CAPN10: variants seen among roughly 807,000 people sequenced by gnomAD.
CAPN10 encodes calpain 10.
In CAPN10, 71 loss-of-function variants were observed where a neutral mutation model predicts 78.4. The observed-to-expected ratio is 0.91, with a 90% confidence interval of 0.75 to 1.10. CAPN10 has a LOEUF of 1.10. Among genes scored for constraint, CAPN10 ranks in the 50% least tolerant of loss-of-function variants. The pLI is 0.00. For synonymous variants in CAPN10, 437 were observed against 407.2 expected, an observed-to-expected ratio of 1.07 and a Z score of -0.88; for missense variants, 849 against 924.6, an observed-to-expected ratio of 0.92 and a Z score of 1.06.
chr2:240,597,077 A>C, intron 9 of CAPN10, 135 bp downstream of exon 9: 1 of 1,106,796 alleles, frequency 9.0e-7, no homozygotes, highest in Non-Finnish European at 1.3e-6. Context: ...GGCGCTGCCT[A>C]GAACCCGCAC....
chr2:240,589,658 A>G (rs2093089023), intron 2 of CAPN10, 184 bp downstream of exon 2: 1 of 765,932 alleles, frequency 1.3e-6, no homozygotes, highest in Non-Finnish European at 2.0e-6. Flanking sequence ...CCTCTGCTGC[A>G]GGGGGGGGTG....
chr2:240,589,643 C>A, intron 2 of CAPN10, 169 bp downstream of exon 2: 2 of 853,880 alleles, frequency 2.3e-6, no homozygotes, highest in Non-Finnish European at 3.5e-6. Flanking sequence ...GGACTGCACT[C>A]TGTCCCTCTG....
Position 240,589,541 on chromosome 2 carries a change from G to A in CAPN10, c.273+67G>A. ...TTTTTGCGTTTCTCCAGCCTGCTGA[G>A]TACCAGGAGGCCTTGCGAAAGCAGA... On this transcript the variant is annotated intron_variant, in intron 2 of 11. Transcript: ENST00000391984. 4.6e-6 allele frequency: 7 copies of A among 1,533,038 alleles called. 1 individual carries two copies. The highest frequency in any genetic ancestry group is 2.5e-5 in the South Asian group (2 of 79,524). The allele number at this position is 1,533,038 out of a possible 1,614,324, so 95.0% of individuals were successfully genotyped here. A position where few individuals can be genotyped will look rare whatever the true frequency, so the allele number is the denominator to read the frequency against.
chr2:240,598,721 AGGGCCTGACAGGTTCCCAGCAGCT>A lies in CAPN10; in HGVS notation c.*47_*70del. 1 of 1,542,872 alleles carries A rather than the reference AGGGCCTGACAGGTTCCCAGCAGCT, an allele frequency of 6.5e-7. No individual in the cohort carries two copies. Among genetic ancestry groups the A allele is most frequent in the Non-Finnish European group, 8.8e-7 (1 of 1,136,774 alleles). ...TGCCAGCTCAGGTGACTGGAGCCCG[AGGGCCTGACAGGTTCCCAGCAGCT>A]GGGCCGGCCAGCCTTGCACTGTGGG... On this transcript the variant is annotated 3_prime_UTR_variant, in exon 12 of 12. Transcript: ENST00000391984.
intron 5 of CAPN10, 197 bp from the exon 6 acceptor site, chr2:240,594,346 C>T (rs2093122045): frequency 7.5e-6 from 5 of 663,520 alleles, no homozygotes; most frequent in South Asian, 5.6e-5. Flanking sequence ...AGAGAGGGCT[C>T]CAGGGTGGCC....
chr2:240,598,304 T>A, intron 10 of CAPN10, 48 bp from the exon 11 acceptor site: 1 of 1,606,008 alleles, frequency 6.2e-7, no homozygotes, highest in Non-Finnish European at 8.5e-7. Flanking sequence ...CACAGCCACT[T>A]GTGTGACAAG....
Position 240,596,340 on chromosome 2 carries a change from C to T in CAPN10, c.1300C>T (p.Leu434=). The part of the protein sequence containing the change: ...LWKVEKRRVN[L]PRVLSMPPVA... Reference sequence around the variant, plus strand: ...ACAGGTAGAGAAGCGGCGGGTCAATCTGCCTAGGGTCCTGTCCATGCCCCC... The same window carrying T: ...ACAGGTAGAGAAGCGGCGGGTCAATTTGCCTAGGGTCCTGTCCATGCCCCC... The change falls in exon 8 of 12, where the codon CTG becomes TTG. Residue 434 remains leucine, a synonymous_variant. Coordinates refer to ENST00000391984, the MANE Select transcript of CAPN10 (RefSeq NM_023083.4). 6.2e-7 allele frequency: 1 copy of T among 1,602,050 alleles called. No individual in the cohort carries two copies. The highest frequency in any genetic ancestry group is 8.5e-7 in the Non-Finnish European group (1 of 1,171,312).
chr2:240,589,659 G>C, intron 2 of CAPN10, 185 bp downstream of exon 2: 1 of 622,662 alleles, frequency 1.6e-6, no homozygotes, highest in Non-Finnish European at 2.5e-6. Flanking sequence ...CTCTGCTGCA[G>C]GGGGGGGTGC....
At position 240,596,931 on chromosome 2, in the gene CAPN10, C is replaced by T; in HGVS notation, c.1732C>T (p.His578Tyr). Residue 578 changes from histidine (H) to tyrosine (Y), a missense_variant, in exon 9 of 12, where the codon CAT becomes TAT. His to Tyr is a moderately conservative substitution (Grantham distance 83). Coordinates refer to ENST00000391984, the MANE Select transcript of CAPN10 (RefSeq NM_023083.4). ...CACCGAGTTCCACCCCATCGGCTTC[C>T]ATATCTTCCAGGCAAGCTCCTTGCC... The part of the protein sequence containing the change: ...SDTEFHPIGF[H>Y]IFQVPEGGRS... The T allele has an allele frequency of 6.2e-7, 1 of 1,613,542 alleles. No homozygotes were observed. Among genetic ancestry groups the T allele is most frequent in the Non-Finnish European group, 8.5e-7 (1 of 1,180,036 alleles).
intron 9 of CAPN10, 44 bp from the exon 10 acceptor site, chr2:240,597,837 GCTCCCTA>G (rs2093146823): frequency 6.6e-7 from 1 of 1,508,460 alleles, no homozygotes; most frequent in Non-Finnish European, 9.0e-7. Flanking sequence ...CCTGGGCTGG[GCTCCCTA>G]CCCCAAGGCT....
In CAPN10 at chr2:240,596,821, AC is replaced by A; in HGVS notation, c.1626del (p.Cys543AlafsTer59). 1 of 1,612,932 alleles carries A rather than the reference AC, an allele frequency of 6.2e-7. No homozygotes were observed. Among genetic ancestry groups the A allele is most frequent in the Non-Finnish European group, 8.5e-7 (1 of 1,179,912 alleles). On this transcript the variant is annotated frameshift_variant, in exon 9 of 12. Transcript: ENST00000391984. LOFTEE classifies it high-confidence loss of function. ...GSRNFASYPT[N>X]PCFPFSVPEG... Reference sequence around the variant, plus strand: ...AGGAACTTTGCCTCATACCCCACCAACCCCTGCTTCCCCTTCTCGGTCCCCG... The same window carrying A: ...AGGAACTTTGCCTCATACCCCACCAACCCTGCTTCCCCTTCTCGGTCCCCG...
rs114120181 is a variant in CAPN10 at position 240,597,889 on chromosome 2, T to C, written c.1745T>C (p.Val582Ala). The change falls in exon 10 of 12, where the codon GTC becomes GCC. Residue 582 changes from valine (V) to alanine (A), a missense_variant and splice_region_variant. Transcript: ENST00000391984. ...AGTCTGAGCCTGCGCTTTCCTCAGG[T>C]CCCAGAGGGTGGAAGGAGCCAGGAC... ...FHPIGFHIFQVPEGGRSQDAP... is the reference protein window; with the variant it reads ...FHPIGFHIFQAPEGGRSQDAP... The C allele has an allele frequency of 3.2e-3, 5,178 of 1,594,110 alleles. 11 individuals carry two copies. Among genetic ancestry groups the C allele is most frequent in the Non-Finnish European group, 3.8e-3 (4,468 of 1,171,822 alleles).
rs1286641700 is a variant in CAPN10, at chr2:240,597,954, G to A, written c.1810G>A (p.Val604Met). ...GCTGCAGGAGCCGCTGCTGAGCTGC[G>A]TGCCACATCGCTACGCCCAGGAGGT... ...LLLQEPLLSC[V>M]PHRYAQEVSR... Residue 604 changes from valine (V) to methionine (M), a missense_variant, in exon 10 of 12, where the codon GTG (valine) becomes ATG (methionine). Val to Met is a conservative substitution (Grantham distance 21). Coordinates refer to ENST00000391984, the MANE Select transcript of CAPN10 (RefSeq NM_023083.4). 6 of 1,612,920 alleles carry A rather than the reference G, an allele frequency of 3.7e-6. No homozygotes were observed. The highest frequency in any genetic ancestry group is 5.1e-6 in the Non-Finnish European group (6 of 1,179,906).
intron 1 of CAPN10, among the ~76,000 whole-genome samples, chr2:240,587,846 G>A (rs114382813): frequency 0.022 from 3,309 of 152,308 alleles, 100 homozygotes; most frequent in African/African-American, 0.075. Flanking sequence ...GGCCACTAGA[G>A]GGTTTTGGTA....
chr2:240,593,647 G>A (rs1019806512), intron 4 of CAPN10, among the ~76,000 whole-genome samples: 1 of 152,238 alleles, frequency 6.6e-6, no homozygotes, highest in Non-Finnish European at 1.5e-5. Flanking sequence ...TAGAGAAGGG[G>A]ATGACTTACC....
chr2:240,587,037 G>T lies in CAPN10; in HGVS notation c.126G>T (p.Thr42=). 2 of 1,447,512 alleles carry T rather than the reference G, an allele frequency of 1.4e-6. No homozygotes were observed. Among genetic ancestry groups the T allele is most frequent in the Non-Finnish European group, 9.1e-7 (1 of 1,095,984 alleles). 89.7% of individuals were successfully genotyped at this position (1,447,512 alleles called of 1,614,324 possible). A position where few individuals can be genotyped will look rare whatever the true frequency, so the allele number is the denominator to read the frequency against. Residue 42 remains threonine (T), a synonymous_variant, in exon 1 of 12, where the codon ACG becomes ACT. Coordinates refer to ENST00000391984, the MANE Select transcript of CAPN10 (RefSeq NM_023083.4). The stretch of plus-strand genomic sequence containing the variant: ...TGGCCCAGTTCCGCGAGGACATCAC[G>T]TGGAGGCGGCCCCAGGTGGGGCCGT... The part of the protein sequence containing the change: ...TPLAQFREDI[T]WRRPQEICAT...
In CAPN10 at chr2:240,596,825, C is replaced by G; in HGVS notation, c.1626C>G (p.Pro542=). The change falls in exon 9 of 12, where the codon CCC becomes CCG. Residue 542 remains proline (P), a synonymous_variant. Transcript: ENST00000391984. ...SRNFASYPTN[P]CFPFSVPEGP... Reference sequence around the variant, plus strand: ...ACTTTGCCTCATACCCCACCAACCCCTGCTTCCCCTTCTCGGTCCCCGAGG... The same window carrying G: ...ACTTTGCCTCATACCCCACCAACCCGTGCTTCCCCTTCTCGGTCCCCGAGG... 6.2e-7 allele frequency: 1 copy of G among 1,613,498 alleles called. No homozygotes were observed. The highest frequency in any genetic ancestry group is 8.5e-7 in the Non-Finnish European group (1 of 1,180,028).
In CAPN10 at chr2:240,587,423, C is replaced by T. The variant is rs527729835; in HGVS notation, c.141+371C>T. On this transcript the variant is annotated intron_variant, in intron 1 of 11. Transcript: ENST00000391984. ...TCCCGCAGAGAGGGCCGCTCGTGCC[C>T]CTCTGAAGTGGCTAGGCCGAGCCCA... Among the ~76,000 whole-genome samples the T allele has an allele frequency of 2.0e-5, 3 of 152,312 alleles. No homozygotes were observed. In the East Asian group the frequency reaches 5.8e-4, roughly 29 times the overall value.
At chr2:240,587,204 C>T in intron 1 of CAPN10, 152 bp downstream of exon 1, 1 of 412,142 alleles carries the variant, frequency 2.4e-6, no homozygotes, top group Non-Finnish European at 4.3e-6. Flanking sequence ...CCCCTCTTTT[C>T]GTACCTCCTT....
Sources: gnomAD v4.1 joint callset for allele counts (sites outside exome capture counted in the v4.1 genomes callset) on GRCh38, gnomAD v4.1.1 for gene constraint, MANE v1.5 for transcripts, NCBI Gene and HGNC (gene_info 2026-07-23, HGNC 2026-07-21) for gene names.